The following RNGTT variants were observed in gnomAD, a reference collection of about 807,000 sequenced individuals.
RNGTT encodes mRNA-capping enzyme.
RNGTT carries 33 observed loss-of-function variants against 79.3 expected under a neutral mutation model. The observed-to-expected ratio is 0.42, with a 90% CI of 0.32 to 0.56. The LOEUF (loss-of-function observed/expected upper bound fraction) is 0.56. Ranked by LOEUF, RNGTT falls within the 20% of genes least tolerant of loss-of-function variation. The pLI is 0.17. For synonymous variants in RNGTT, 222 were observed against 235.9 expected, an observed-to-expected ratio of 0.94 and a Z score of 0.54; for missense variants, 497 against 739.1, an observed-to-expected ratio of 0.67 and a Z score of 3.80.
chr6:88,856,185 A>AT (rs1291375181), intron 8 of RNGTT, among the ~76,000 whole-genome samples: 1 of 152,208 alleles, frequency 6.6e-6, no homozygotes, highest in East Asian at 1.9e-4. Flanking sequence ...CTTAATCCTG[A>AT]TATCTGTTAA....
chr6:88,754,616 T>C (rs1438975902), intron 13 of RNGTT, among the ~76,000 whole-genome samples: 1 of 152,132 alleles, frequency 6.6e-6, no homozygotes, highest in Admixed American at 6.5e-5. Flanking sequence ...AAACTGGCCA[T>C]AAACAAAATG....
chr6:88,832,908 T>C (rs1188699299), intron 11 of RNGTT, among the ~76,000 whole-genome samples: 1 of 151,570 alleles, frequency 6.6e-6, no homozygotes, highest in East Asian at 1.9e-4. Flanking sequence ...TGGTGATCAT[T>C]AAAAAGTCAG....
chr6:88,863,565 C>A (rs181796439), intron 8 of RNGTT, among the ~76,000 whole-genome samples: 1 of 152,206 alleles, frequency 6.6e-6, no homozygotes, highest in Admixed American at 6.5e-5. Flanking sequence ...GATTATTAAT[C>A]GTCTTCAAAG....
chr6:88,870,781 CACTAATCCTT>C (rs372576817), intron 8 of RNGTT, among the ~76,000 whole-genome samples: 2 of 152,074 alleles, frequency 1.3e-5, no homozygotes, highest in African/African-American at 4.8e-5. Context: ...TATATGATCC[CACTAATCCTT>C]ACTAAATTCT....
intron 9 of RNGTT, among the ~76,000 whole-genome samples, chr6:88,851,175 T>C (rs574808707): frequency 1.3e-5 from 2 of 149,302 alleles, no homozygotes; most frequent in Middle Eastern, 3.4e-3. Flanking sequence ...TGTATCTCAA[T>C]TTTTTTTAAA....
intron 14 of RNGTT, among the ~76,000 whole-genome samples, chr6:88,652,928 G>A (rs1024071777): frequency 3.9e-5 from 6 of 152,104 alleles, no homozygotes; most frequent in African/African-American, 4.8e-5. Context: ...ATTAGTATTC[G>A]CTGAAGGAAT....
intron 11 of RNGTT, among the ~76,000 whole-genome samples, chr6:88,825,586 C>A (rs751858483): frequency 6.6e-6 from 1 of 152,164 alleles, no homozygotes; most frequent in South Asian, 2.1e-4. Context: ...GTTTGACATA[C>A]ATATATTTTT....
intron 4 of RNGTT, among the ~76,000 whole-genome samples, chr6:88,913,221 A>C (rs575278723): frequency 0.012 from 1,680 of 145,602 alleles, 9 homozygotes; most frequent in South Asian, 0.019. Flanking sequence ...AAACAAAAAA[A>C]AAAAACAAAA....
intron 12 of RNGTT, among the ~76,000 whole-genome samples, chr6:88,778,588 T>C (rs899555555): frequency 2.0e-5 from 3 of 152,142 alleles, no homozygotes; most frequent in African/African-American, 7.2e-5. Flanking sequence ...ACTCCTGAGT[T>C]TAAGCAATTC....
chr6:88,912,435 A>G (rs145890499), intron 4 of RNGTT, among the ~76,000 whole-genome samples: 3 of 152,220 alleles, frequency 2.0e-5, no homozygotes, highest in Non-Finnish European at 4.4e-5. Context: ...TGAAAAGAAG[A>G]TAGATCTCAA....
At chr6:88,650,467 C>T (rs1342312348) in intron 14 of RNGTT, among the ~76,000 whole-genome samples, 1 of 152,082 alleles carries the variant, frequency 6.6e-6, no homozygotes, top group Non-Finnish European at 1.5e-5. Flanking sequence ...CATCAAAATG[C>T]CTCCAAGAAA....
intron 11 of RNGTT, among the ~76,000 whole-genome samples, chr6:88,843,258 C>T (rs911336123): frequency 4.6e-5 from 7 of 151,866 alleles, no homozygotes; most frequent in African/African-American, 1.5e-4. Context: ...TAACATTACT[C>T]ATAATCTTTA....
chr6:88,820,067 CAA>C lies in RNGTT; in HGVS notation c.1270-18437_1270-18436del, dbSNP rs141895287. Among the ~76,000 whole-genome samples the C allele has an allele frequency of 7.8e-3, 1,182 of 152,134 alleles. 8 individuals are homozygous for C. The highest frequency in any genetic ancestry group is 0.026 in the African/African-American group (1,094 of 41,520). ...AGTGTTTTAGACTTGGAAAACCAAGCAAAGAGTATTAAGAATTTAAGCCCTGA... is the reference window on the plus strand; with the variant it reads ...AGTGTTTTAGACTTGGAAAACCAAGCAGAGTATTAAGAATTTAAGCCCTGA... On this transcript the variant is annotated intron_variant, in intron 11 of 15. Coordinates refer to ENST00000369485, the MANE Select transcript of RNGTT (RefSeq NM_003800.5).
chr6:88,850,879 C>T (rs927069708), intron 9 of RNGTT, among the ~76,000 whole-genome samples: 8 of 151,902 alleles, frequency 5.3e-5, no homozygotes, highest in African/African-American at 1.4e-4. Flanking sequence ...GACACAGGCA[C>T]GCTTCAGATA....
In RNGTT at chr6:88,612,066, T is replaced by C. The variant is rs888595926; in HGVS notation, c.*653A>G. On this transcript the variant is annotated 3_prime_UTR_variant, in exon 16 of 16. Transcript: ENST00000369485. ...TCGAAACAATACAAACAGATGAAAA[T>C]ACTCAAAATACTTCCTTTAGAAACA... 6.6e-6 allele frequency: 1 copy of C among 152,434 alleles called. No homozygotes were observed. Among genetic ancestry groups the C allele is most frequent in the Admixed American group, 6.5e-5 (1 of 15,284 alleles). 9.4% of individuals were successfully genotyped at this position (152,434 alleles called of 1,614,324 possible). A position where few individuals can be genotyped will look rare whatever the true frequency, so the allele number is the denominator to read the frequency against.
chr6:88,851,154 AGTAT>A (rs1477657509), intron 9 of RNGTT, among the ~76,000 whole-genome samples: 3 of 151,800 alleles, frequency 2.0e-5, no homozygotes, highest in Non-Finnish European at 4.4e-5. Flanking sequence ...TGAATTTCAT[AGTAT>A]GTAAATTGTA....
chr6:88,632,601 T>G (rs761360336), intron 14 of RNGTT, among the ~76,000 whole-genome samples: 2 of 150,974 alleles, frequency 1.3e-5, no homozygotes, highest in Non-Finnish European at 2.9e-5. Context: ...TAAAGCAATT[T>G]ATTTCCTTTC....
rs146549592 is a variant in RNGTT, at chr6:88,663,749, C to T, written c.1506+14604G>A. On this transcript the variant is annotated intron_variant, in intron 14 of 15. Transcript: ENST00000369485. Reference sequence around the variant, plus strand: ...AGCTTGGGAGAAACCCCTCCCTTGGCAGCTTGCTTGCAACCTAAAACTGGG... The same window carrying T: ...AGCTTGGGAGAAACCCCTCCCTTGGTAGCTTGCTTGCAACCTAAAACTGGG... 5.1e-3 allele frequency among the ~76,000 whole-genome samples: 783 copies of T among 152,288 alleles called. 7 individuals are homozygous for T. The highest frequency in any genetic ancestry group is 0.017 in the African/African-American group (712 of 41,564).
intron 8 of RNGTT, among the ~76,000 whole-genome samples, chr6:88,859,978 G>C (rs1234824136): frequency 6.6e-6 from 1 of 152,140 alleles, no homozygotes; most frequent in African/African-American, 2.4e-5. Flanking sequence ...CCACTAAAAT[G>C]TTTTAAGCAA....
Sources: allele counts gnomAD v4.1 joint callset (sites outside exome capture counted in the v4.1 genomes callset), GRCh38; gene constraint gnomAD v4.1.1; transcripts MANE v1.5; gene names NCBI Gene and HGNC (gene_info 2026-07-23, HGNC 2026-07-21).